ERBB4: variants seen among roughly 807,000 people sequenced by gnomAD.
The protein encoded by ERBB4 is receptor tyrosine-protein kinase erbB-4.
A neutral mutation model predicts 158.0 loss-of-function variants in ERBB4; 42 were observed. The observed-to-expected ratio is 0.27, with a 90% CI of 0.21 to 0.34. The LOEUF (loss-of-function observed/expected upper bound fraction) is 0.34. Among genes scored for constraint, ERBB4 ranks in the 10% least tolerant of loss-of-function variants. ERBB4 has a pLI of 1.00. For missense variants in ERBB4, 1,333 were observed against 1,624.1 expected, an observed-to-expected ratio of 0.82 and a Z score of 3.08; for synonymous variants, 583 against 558.7, an observed-to-expected ratio of 1.04 and a Z score of -0.61.
chr2:211,769,966 A>G (rs1332458775), intron 4 of ERBB4, among the ~76,000 whole-genome samples: 1 of 152,222 alleles, frequency 6.6e-6, no homozygotes, highest in African/African-American at 2.4e-5. Context: ...CAGGAAAAAT[A>G]CTTCGTATCC....
At chr2:211,747,922 A>T (rs1471696769) in intron 5 of ERBB4, among the ~76,000 whole-genome samples, 2 of 152,018 alleles carry the variant, frequency 1.3e-5, no homozygotes, top group Admixed American at 6.6e-5. Flanking sequence ...CTTCCCTTAT[A>T]TGAAATGGCA....
intron 1 of ERBB4, among the ~76,000 whole-genome samples, chr2:212,521,463 A>G (rs757522164): frequency 1.3e-5 from 2 of 151,918 alleles, no homozygotes; most frequent in Non-Finnish European, 2.9e-5. Context: ...AGGACACACA[A>G]AAGTCAAGTT....
intron 2 of ERBB4, among the ~76,000 whole-genome samples, chr2:211,967,463 T>G (rs185073228): frequency 6.6e-6 from 1 of 152,058 alleles, no homozygotes; most frequent in Non-Finnish European, 1.5e-5. Flanking sequence ...GTATTTTCAT[T>G]TCCAATCTTT....
At position 211,590,673 on chromosome 2, in the gene ERBB4, G is replaced by A. The variant is rs1168346630; in HGVS notation, c.2301+28504C>T. Among the ~76,000 whole-genome samples, 3 of 152,106 alleles carry A rather than the reference G, an allele frequency of 2.0e-5. No individual in the cohort carries two copies. The East Asian group carries it at 5.8e-4, about 29-fold the overall frequency. ...AAACTTTGATCTCCGAATGTTCTGG[G>A]AGACTGATTCGAGTAACGATAAAAC... On this transcript the variant is annotated intron_variant, in intron 19 of 27. Transcript: ENST00000342788.
At chr2:211,655,235 A>G (rs1414299319) in intron 16 of ERBB4, among the ~76,000 whole-genome samples, 5 of 152,094 alleles carry the variant, frequency 3.3e-5, no homozygotes, top group Non-Finnish European at 5.9e-5. Context: ...GGGCCCATCA[A>G]AAGGGCTTTA....
chr2:212,469,263 G>C (rs555849429), intron 1 of ERBB4, among the ~76,000 whole-genome samples: 136 of 151,802 alleles, frequency 9.0e-4, no homozygotes, highest in African/African-American at 3.2e-3. Flanking sequence ...AAATGTTTAG[G>C]GCCAAAAATA....
At chr2:212,519,574 T>G (rs2128323) in intron 1 of ERBB4, among the ~76,000 whole-genome samples, 25,711 of 151,718 alleles carry the variant, frequency 0.17, 2,285 homozygotes, top group African/African-American at 0.22. Context: ...AGCATTAGGA[T>G]AAATACCTAA....
intron 3 of ERBB4, among the ~76,000 whole-genome samples, chr2:211,913,579 C>T (rs564580965): frequency 6.8e-5 from 10 of 147,856 alleles, no homozygotes; most frequent in South Asian, 6.5e-4. Flanking sequence ...CCAGCCTGGG[C>T]GACAGAGCAA....
At chr2:211,682,264 C>A (rs2072377932) in intron 12 of ERBB4, among the ~76,000 whole-genome samples, 2 of 152,086 alleles carry the variant, frequency 1.3e-5, no homozygotes, top group Non-Finnish European at 2.9e-5. Flanking sequence ...CCAGAAGCAT[C>A]AATGATGTAA....
chr2:212,223,321 C>A (rs1464634162), intron 1 of ERBB4, among the ~76,000 whole-genome samples: 3 of 113,002 alleles, frequency 2.7e-5, no homozygotes, highest in Non-Finnish European at 5.5e-5. Context: ...TTAGCAATAT[C>A]CTTATTAAGC....
chr2:211,885,702 T>C (rs1355051803), intron 3 of ERBB4, among the ~76,000 whole-genome samples: 1 of 152,124 alleles, frequency 6.6e-6, no homozygotes, highest in Non-Finnish European at 1.5e-5. Context: ...TCAGGTAATC[T>C]GCCCGCCTTG....
intron 1 of ERBB4, among the ~76,000 whole-genome samples, chr2:212,223,465 T>C (rs1029574038): frequency 5.8e-4 from 87 of 149,344 alleles, no homozygotes; most frequent in African/African-American, 2.0e-3. Context: ...AGGTACTTCT[T>C]GTCCTCCTGA....
chr2:212,157,148 A>C (rs1245937299), intron 1 of ERBB4, among the ~76,000 whole-genome samples: 1 of 152,082 alleles, frequency 6.6e-6, no homozygotes, highest in Non-Finnish European at 1.5e-5. Context: ...CTCTGGCTTT[A>C]GCACTACCCC....
chr2:211,759,430 A>G (rs549555770), intron 4 of ERBB4, among the ~76,000 whole-genome samples: 3 of 152,176 alleles, frequency 2.0e-5, no homozygotes, highest in Non-Finnish European at 2.9e-5. Flanking sequence ...AGTCCTTACC[A>G]CAGTCTTCAA....
At chr2:212,229,767 G>C (rs1438190302) in intron 1 of ERBB4, among the ~76,000 whole-genome samples, 1 of 152,138 alleles carries the variant, frequency 6.6e-6, no homozygotes, top group Non-Finnish European at 1.5e-5. Flanking sequence ...CTTGCTATAT[G>C]TATTATTTTA....
At chr2:212,063,175 T>C (rs1025250997) in intron 2 of ERBB4, among the ~76,000 whole-genome samples, 1 of 152,158 alleles carries the variant, frequency 6.6e-6, no homozygotes, top group African/African-American at 2.4e-5. Context: ...AATCTAATAA[T>C]TTTTACCATT....
At chr2:212,296,090 A>C (rs1343396055) in intron 1 of ERBB4, among the ~76,000 whole-genome samples, 1 of 152,006 alleles carries the variant, frequency 6.6e-6, no homozygotes, top group Non-Finnish European at 1.5e-5. Context: ...CAACTCAATC[A>C]ATATGTAATT....
In ERBB4 at chr2:211,540,544, GT is replaced by G. The variant is rs1379567242; in HGVS notation, c.2487+21358del. ...TTGTTTTGTTTTTTGGTGTTTTTTT[GT>G]TTTTGTTTTTGTTTTTTGTTTTGTT... On this transcript the variant is annotated intron_variant, in intron 20 of 27. Transcript: ENST00000342788. Among the ~76,000 whole-genome samples, 8 of 151,204 alleles carry G rather than the reference GT, an allele frequency of 5.3e-5. No homozygotes were observed. The South Asian group carries it at 1.7e-3, about 32-fold the overall frequency.
intron 19 of ERBB4, among the ~76,000 whole-genome samples, chr2:211,601,348 G>A (rs2068793346): frequency 6.6e-6 from 1 of 151,790 alleles, no homozygotes; most frequent in South Asian, 2.1e-4. Context: ...CCAGAAAAAG[G>A]AACAAAAAAA....
Sources: gnomAD v4.1 joint callset for allele counts (sites outside exome capture counted in the v4.1 genomes callset) on GRCh38, gnomAD v4.1.1 for gene constraint, MANE v1.5 for transcripts, NCBI Gene and HGNC (gene_info 2026-07-23, HGNC 2026-07-21) for gene names.